Variants in MAGI2 observed in about 807,000 individuals in gnomAD.
MAGI2 encodes membrane-associated guanylate kinase, WW and PDZ domain-containing protein 2.
A neutral mutation model predicts 133.3 loss-of-function variants in MAGI2; 35 were observed. That is an observed-to-expected ratio of 0.26 (90% CI 0.20 to 0.35). The LOEUF (loss-of-function observed/expected upper bound fraction) is 0.35, where lower values mean the gene tolerates loss of function less well. Ranked by LOEUF, MAGI2 falls within the 10% of genes least tolerant of loss-of-function variation. The pLI is 1.00. For missense variants in MAGI2, 1,636 were observed against 1,863.4 expected, an observed-to-expected ratio of 0.88 and a Z score of 2.25; for synonymous variants, 729 against 710.6, an observed-to-expected ratio of 1.03 and a Z score of -0.41.
chr7:78,726,254 A>AT (rs1242236890), intron 2 of MAGI2, among the ~76,000 whole-genome samples: 2 of 152,218 alleles, frequency 1.3e-5, no homozygotes, highest in Non-Finnish European at 2.9e-5. Context: ...TTCTGTTGCC[A>AT]TTTATTTGTA....
intron 3 of MAGI2, among the ~76,000 whole-genome samples, chr7:78,589,727 G>A (rs543783051): frequency 1.3e-5 from 2 of 152,242 alleles, no homozygotes; most frequent in East Asian, 3.9e-4. Context: ...TGGTAGAAAG[G>A]GTACATGTCA....
intron 2 of MAGI2, among the ~76,000 whole-genome samples, chr7:78,672,106 G>GATCTTTA (rs1249288095): frequency 6.6e-6 from 1 of 152,162 alleles, no homozygotes; most frequent in African/African-American, 2.4e-5. Context: ...GATCTTTAAA[G>GATCTTTA]AAGGTGATAT....
At chr7:78,443,269 T>A (rs4515471) in intron 6 of MAGI2, among the ~76,000 whole-genome samples, 137,611 of 152,184 alleles carry the variant, frequency 0.9, 63,088 homozygotes, top group East Asian at 0.97. Context: ...CACAAGGTAG[T>A]GATGATTTAC....
At chr7:79,415,730 C>A (rs898710348) in intron 1 of MAGI2, 1 of 152,108 alleles carries the variant, frequency 6.6e-6, no homozygotes, top group African/African-American at 2.4e-5. Flanking sequence ...CAAAAGCATT[C>A]TATTTATAAA....
At chr7:78,882,311 A>G (rs1003283743) in intron 2 of MAGI2, among the ~76,000 whole-genome samples, 1 of 151,926 alleles carries the variant, frequency 6.6e-6, no homozygotes, top group African/African-American at 2.4e-5. Context: ...CCAAAATTGA[A>G]TCAGGAAGAA....
chr7:79,052,265 A>T (rs890016157), intron 1 of MAGI2, among the ~76,000 whole-genome samples: 1 of 152,214 alleles, frequency 6.6e-6, no homozygotes, highest in Non-Finnish European at 1.5e-5. Context: ...GGCTACTATC[A>T]GGGGGATCAA....
chr7:78,225,810 G>A (rs1229958735), intron 10 of MAGI2, among the ~76,000 whole-genome samples: 1 of 152,192 alleles, frequency 6.6e-6, no homozygotes, highest in Non-Finnish European at 1.5e-5. Flanking sequence ...CTTGCTGAGT[G>A]ATTAAAATAT....
chr7:78,387,684 T>C (rs1380046094), intron 6 of MAGI2, among the ~76,000 whole-genome samples: 1 of 152,136 alleles, frequency 6.6e-6, no homozygotes, highest in Non-Finnish European at 1.5e-5. Flanking sequence ...CCCAGCACTT[T>C]GAGAGGCTGA....
chr7:79,161,811 C>T (rs1302830660), intron 1 of MAGI2, among the ~76,000 whole-genome samples: 2 of 152,016 alleles, frequency 1.3e-5, no homozygotes, highest in Admixed American at 6.6e-5. Flanking sequence ...AATTTTATGA[C>T]AATATAGTTG....
At chr7:78,824,618 G>A (rs185377869) in intron 2 of MAGI2, among the ~76,000 whole-genome samples, 1 of 119,820 alleles carries the variant, frequency 8.3e-6, no homozygotes, top group Non-Finnish European at 2.0e-5. Context: ...TTTTTGATGG[G>A]GTTGTTTTTT....
At position 78,019,669 on chromosome 7, in the gene MAGI2, G is replaced by T; in HGVS notation, c.4014C>A (p.Pro1338=). 7.5e-7 allele frequency: 1 copy of T among 1,327,100 alleles called. No homozygotes were observed. Among genetic ancestry groups the T allele is most frequent in the East Asian group, 3.2e-5 (1 of 31,024 alleles). 82.2% of individuals were successfully genotyped at this position (1,327,100 alleles called of 1,614,324 possible). The change falls in exon 22 of 22, where the codon CCC becomes CCA. Residue 1338 remains proline (P), a synonymous_variant. Transcript: ENST00000354212. ...CCTCCGAGGCGGGCCTGCCGGCCTC[G>T]GGCCGCCCCTGGCCGCCGGGCGCCT... ...LEEAPGGQGR[P]EAGRPASEAR...
At chr7:79,062,486 T>G (rs1813853561) in intron 1 of MAGI2, among the ~76,000 whole-genome samples, 1 of 152,058 alleles carries the variant, frequency 6.6e-6, no homozygotes, top group Admixed American at 6.6e-5. Context: ...TCTGTTCTTC[T>G]TAAAAACCTA....
chr7:78,855,355 T>C (rs966921784), intron 2 of MAGI2, among the ~76,000 whole-genome samples: 3 of 152,168 alleles, frequency 2.0e-5, no homozygotes, highest in African/African-American at 7.2e-5. Context: ...GCTGCACCCA[T>C]TAACTCATCA....
intron 21 of MAGI2, among the ~76,000 whole-genome samples, chr7:78,023,821 A>T (rs1808650526): frequency 6.6e-6 from 1 of 152,352 alleles, no homozygotes; most frequent in Admixed American, 6.5e-5. Context: ...CCAAATGAGG[A>T]TGGAAAATAT....
At chr7:78,070,218 T>TATATATACAC (rs1453553515) in intron 21 of MAGI2, among the ~76,000 whole-genome samples, 1 of 52,278 alleles carries the variant, frequency 1.9e-5, no homozygotes, top group African/African-American at 4.7e-5. Flanking sequence ...TATATATATA[T>TATATATACAC]ACACACACAC....
chr7:79,293,968 A>G (rs1253835906), intron 1 of MAGI2, among the ~76,000 whole-genome samples: 1 of 152,148 alleles, frequency 6.6e-6, no homozygotes, highest in Non-Finnish European at 1.5e-5. Flanking sequence ...GAATCACTTG[A>G]AGCCAGCAGT....
chr7:79,451,636 T>A (rs182198744), intron 1 of MAGI2, among the ~76,000 whole-genome samples: 1 of 152,348 alleles, frequency 6.6e-6, no homozygotes, highest in East Asian at 1.9e-4. Flanking sequence ...CTTCTTTTTA[T>A]CTTGTTTATT....
At chr7:78,574,474 CAT>C (rs1802059394) in intron 3 of MAGI2, among the ~76,000 whole-genome samples, 1 of 152,212 alleles carries the variant, frequency 6.6e-6, no homozygotes, top group African/African-American at 2.4e-5. Context: ...AAATTAAACA[CAT>C]GTGTTCACTA....
chr7:78,908,648 C>G (rs1264089750), intron 2 of MAGI2, among the ~76,000 whole-genome samples: 3 of 152,130 alleles, frequency 2.0e-5, no homozygotes, highest in Non-Finnish European at 4.4e-5. Context: ...AGAAAATAAG[C>G]TGATGCTGAG....
Sources: allele counts gnomAD v4.1 joint callset (sites outside exome capture counted in the v4.1 genomes callset), GRCh38; gene constraint gnomAD v4.1.1; transcripts MANE v1.5; gene names NCBI Gene and HGNC (gene_info 2026-07-23, HGNC 2026-07-21).